ZNF423: variants seen among roughly 807,000 people sequenced by gnomAD.
The protein encoded by ZNF423 is Ebf-associated zinc finger protein.
ZNF423 carries 12 observed loss-of-function variants against 95.8 expected under a neutral mutation model. That is an observed-to-expected ratio of 0.13 (90% CI 0.08 to 0.20). ZNF423 has a LOEUF of 0.20. Among genes scored for constraint, ZNF423 ranks in the 10% least tolerant of loss-of-function variants. The probability of loss-of-function intolerance (pLI) is 1.00; values close to 1 mark genes in which losing one functional copy is unlikely to be tolerated. For missense variants in ZNF423, 1,316 were observed against 1,737.1 expected (o/e 0.76, Z 4.31); for synonymous variants, 749 against 711.9 (o/e 1.05, Z -0.83).
intron 3 of ZNF423, among the ~76,000 whole-genome samples, chr16:49,675,175 TA>T (rs889746609): frequency 2.6e-5 from 4 of 152,180 alleles, no homozygotes; most frequent in African/African-American, 9.7e-5. Flanking sequence ...GATACATCAC[TA>T]AACCTCTCTG....
intron 3 of ZNF423, among the ~76,000 whole-genome samples, chr16:49,721,094 A>C (rs543239479): frequency 6.6e-6 from 1 of 152,364 alleles, no homozygotes; most frequent in East Asian, 1.9e-4. Context: ...GTCAACAGAC[A>C]TGGGGCAGTG....
intron 5 of ZNF423, among the ~76,000 whole-genome samples, chr16:49,561,445 A>G (rs1227167367): frequency 6.6e-6 from 1 of 152,216 alleles, no homozygotes; most frequent in Non-Finnish European, 1.5e-5. Flanking sequence ...TACAGATGAC[A>G]TGCACGTACT....
At chr16:49,781,803 C>A (rs906052260) in intron 2 of ZNF423, among the ~76,000 whole-genome samples, 1 of 152,204 alleles carries the variant, frequency 6.6e-6, no homozygotes, top group Admixed American at 6.5e-5. Context: ...AACTTTTACC[C>A]AGAACCAGGC....
chr16:49,765,854 A>C (rs549012167), intron 2 of ZNF423, among the ~76,000 whole-genome samples: 1 of 152,206 alleles, frequency 6.6e-6, no homozygotes, highest in Non-Finnish European at 1.5e-5. Context: ...CTCCACTCAC[A>C]TGAGGGCCTG....
At chr16:49,709,183 T>TATATATATATATATATATATATATA (rs58833331) in intron 3 of ZNF423, among the ~76,000 whole-genome samples, 2 of 145,362 alleles carry the variant, frequency 1.4e-5, no homozygotes, top group Non-Finnish European at 3.0e-5. Context: ...TATATATATA[T>TATATATATATATATATATATATATA]GAAAACGGAG....
intron 5 of ZNF423, among the ~76,000 whole-genome samples, chr16:49,556,411 C>G (rs942690017): frequency 1.3e-5 from 2 of 152,188 alleles, no homozygotes; most frequent in African/African-American, 4.8e-5. Context: ...CCCAGCGTCT[C>G]TCACATTGAT....
chr16:49,645,162 G>A (rs12444534), intron 3 of ZNF423, among the ~76,000 whole-genome samples: 31,984 of 152,070 alleles, frequency 0.21, 3,513 homozygotes, highest in Admixed American at 0.25. Flanking sequence ...ACCAGTTCCC[G>A]ACAGGACAAA....
intron 3 of ZNF423, among the ~76,000 whole-genome samples, chr16:49,677,329 AGGGGAGGGGAGGG>A (rs2031142776): frequency 5.1e-5 from 2 of 38,934 alleles, no homozygotes; most frequent in African/African-American, 2.2e-4. Flanking sequence ...AAGGGAGGGG[AGGGGAGGGGAGGG>A]GAGGAGGGGA....
chr16:49,789,636 T>C, intron 1 of ZNF423, 90 bp from the exon 2 acceptor site: 1 of 1,301,090 alleles, frequency 7.7e-7, no homozygotes, highest in South Asian at 1.5e-5. Flanking sequence ...GGAACATTTG[T>C]GGGGGTCCTT....
At chr16:49,842,193 G>A (rs1232263385) in intron 1 of ZNF423, among the ~76,000 whole-genome samples, 3 of 144,676 alleles carry the variant, frequency 2.1e-5, no homozygotes, top group Admixed American at 6.9e-5. Context: ...AACCGAGATC[G>A]TGGCACTGCA....
At chr16:49,644,697 A>G (rs12925237) in intron 3 of ZNF423, among the ~76,000 whole-genome samples, 1 of 125,348 alleles carries the variant, frequency 8.0e-6, no homozygotes, top group Non-Finnish European at 1.6e-5. Context: ...AAAAAAAAAA[A>G]CCGTGAGCCT....
chr16:49,697,308 GAGA>G (rs956414181), intron 3 of ZNF423, among the ~76,000 whole-genome samples: 8 of 152,120 alleles, frequency 5.3e-5, no homozygotes, highest in African/African-American at 1.7e-4. Flanking sequence ...CAGAAAGAGA[GAGA>G]AGGCCAGGAA....
intron 6 of ZNF423, among the ~76,000 whole-genome samples, chr16:49,525,025 C>A (rs1029938003): frequency 1.3e-5 from 2 of 152,210 alleles, no homozygotes; most frequent in Admixed American, 1.3e-4. Context: ...CTCGGGGAGA[C>A]AAACACAGGG....
chr16:49,496,069 C>T (rs1180159965), intron 7 of ZNF423, among the ~76,000 whole-genome samples: 1 of 152,238 alleles, frequency 6.6e-6, no homozygotes, highest in Non-Finnish European at 1.5e-5. Flanking sequence ...AGCACCTTGC[C>T]TTGTCCTTGG....
chr16:49,684,636 G>A (rs968205350), intron 3 of ZNF423, among the ~76,000 whole-genome samples: 2 of 152,190 alleles, frequency 1.3e-5, no homozygotes, highest in Non-Finnish European at 2.9e-5. Context: ...AGTGGCCCCA[G>A]GACGTAACTC....
intron 1 of ZNF423, among the ~76,000 whole-genome samples, chr16:49,840,958 T>G (rs918586174): frequency 5.3e-5 from 8 of 152,174 alleles, no homozygotes; most frequent in African/African-American, 1.7e-4. Flanking sequence ...GGAGGACGGA[T>G]TCGAGGAGAG....
intron 4 of ZNF423, among the ~76,000 whole-genome samples, chr16:49,632,898 G>A (rs1972553347): frequency 6.6e-6 from 1 of 152,182 alleles, no homozygotes; most frequent in East Asian, 1.9e-4. Context: ...CACCATGGTG[G>A]GCAGTGCCAG....
At chr16:49,784,184 C>G (rs999886736) in intron 2 of ZNF423, among the ~76,000 whole-genome samples, 1 of 151,998 alleles carries the variant, frequency 6.6e-6, no homozygotes, top group Admixed American at 6.6e-5. Context: ...GCCCTATAAC[C>G]CAGCAATTCC....
intron 2 of ZNF423, among the ~76,000 whole-genome samples, chr16:49,741,986 C>T (rs937491057): frequency 2.6e-5 from 4 of 152,208 alleles, no homozygotes; most frequent in East Asian, 1.9e-4. Context: ...GCTCCCTAAA[C>T]GTTGGAACCA....
Sources: gnomAD v4.1 joint callset for allele counts (sites outside exome capture counted in the v4.1 genomes callset) on GRCh38, gnomAD v4.1.1 for gene constraint, MANE v1.5 for transcripts, NCBI Gene and HGNC (gene_info 2026-07-23, HGNC 2026-07-21) for gene names.